SLC8A2: variants seen among roughly 807,000 people sequenced by gnomAD.
The protein encoded by SLC8A2 is solute carrier family 8 member A2, also known as sodium/calcium exchanger 2.
A neutral mutation model predicts 70.2 loss-of-function variants in SLC8A2; 14 were observed. That is an observed-to-expected ratio of 0.20 (90% CI 0.13 to 0.31). The LOEUF (loss-of-function observed/expected upper bound fraction) is 0.31. SLC8A2 is among the 10% of genes least tolerant of loss of function. SLC8A2 has a pLI of 1.00. For synonymous variants in SLC8A2, 575 were observed against 594.3 expected, an observed-to-expected ratio of 0.97 and a Z score of 0.47; for missense variants, 779 against 1,320.1, an observed-to-expected ratio of 0.59 and a Z score of 6.35.
chr19:47,469,439 C>T (rs1020832256), intron 1 of SLC8A2, among the ~76,000 whole-genome samples: 3 of 152,278 alleles, frequency 2.0e-5, no homozygotes, highest in Admixed American at 6.5e-5. Flanking sequence ...GGAAGTCCTC[C>T]CTCAGGTTTA....
intron 3 of SLC8A2, among the ~76,000 whole-genome samples, chr19:47,452,151 G>A (rs1267647200): frequency 1.3e-5 from 2 of 152,112 alleles, no homozygotes; most frequent in Non-Finnish European, 2.9e-5. Flanking sequence ...GCATGCTCAA[G>A]TATTTAGGCA....
chr19:47,458,006 A>G (rs1292429034), intron 2 of SLC8A2, among the ~76,000 whole-genome samples: 1 of 151,298 alleles, frequency 6.6e-6, no homozygotes, highest in East Asian at 1.9e-4. Flanking sequence ...ATGCGCCACC[A>G]TGGCCAGCTA....
intron 1 of SLC8A2, among the ~76,000 whole-genome samples, chr19:47,467,597 TC>T (rs1342018069): frequency 1.3e-5 from 2 of 152,124 alleles, no homozygotes. Flanking sequence ...GGGCTTTCTG[TC>T]CCATTTGTGG....
intron 6 of SLC8A2, among the ~76,000 whole-genome samples, chr19:47,439,686 T>C (rs1967076924): frequency 6.7e-6 from 1 of 150,124 alleles, no homozygotes; most frequent in Non-Finnish European, 1.5e-5. Flanking sequence ...TTTTCTGAGA[T>C]GGAGTCTCGC....
chr19:47,447,769 G>T lies in SLC8A2; in HGVS notation c.1763+40C>A, dbSNP rs1007654211. The T allele has an allele frequency of 2.0e-6, 3 of 1,529,164 alleles. No individual in the cohort carries two copies. The highest frequency in any genetic ancestry group is 2.6e-6 in the Non-Finnish European group (3 of 1,150,096). 94.7% of individuals were successfully genotyped at this position (1,529,164 alleles called of 1,614,324 possible). A position where few individuals can be genotyped will look rare whatever the true frequency, so the allele number is the denominator to read the frequency against. ...AGCCACATCAGGCCTCGCCCATTCCGAAGCCCCGCCCCTCTCCGGGCCGCC... is the reference window on the plus strand; with the variant it reads ...AGCCACATCAGGCCTCGCCCATTCCTAAGCCCCGCCCCTCTCCGGGCCGCC... On this transcript the variant is annotated intron_variant, in intron 4 of 9. Transcript: ENST00000236877. This position sits in a 1 kb window ranked among gnomAD's most constrained non-coding sequence, Gnocchi z 5.1.
intron 4 of SLC8A2, among the ~76,000 whole-genome samples, chr19:47,446,833 C>A (rs149832189): frequency 2.5e-5 from 3 of 120,740 alleles, no homozygotes; most frequent in Non-Finnish European, 5.9e-5. Flanking sequence ...GACCACCACG[C>A]CTGGCCCTGC....
At chr19:47,470,278 C>T (rs1167985758) in intron 1 of SLC8A2, among the ~76,000 whole-genome samples, 18 of 151,774 alleles carry the variant, frequency 1.2e-4, no homozygotes, top group Admixed American at 1.2e-3. Flanking sequence ...CTCTTTAAAG[C>T]CATCTGAAGC....
intron 3 of SLC8A2, among the ~76,000 whole-genome samples, chr19:47,454,904 G>A (rs1209349855): frequency 6.6e-6 from 1 of 152,066 alleles, no homozygotes; most frequent in Non-Finnish European, 1.5e-5. Flanking sequence ...TGGCCAACAC[G>A]ATGAAACCCC....
chr19:47,444,683 G>A (rs1967138640), intron 4 of SLC8A2, among the ~76,000 whole-genome samples: 2 of 152,202 alleles, frequency 1.3e-5, no homozygotes, highest in Non-Finnish European at 2.9e-5. Context: ...GCAGTGACAG[G>A]CACGTCAACT....
chr19:47,437,962 T>A lies in SLC8A2; in HGVS notation c.1897A>T (p.Arg633Trp). The A allele has an allele frequency of 1.2e-6, 2 of 1,614,152 alleles. No homozygotes were observed. The highest frequency in any genetic ancestry group is 1.7e-6 in the Non-Finnish European group (2 of 1,180,022). Residue 633 changes from arginine to tryptophan, a missense_variant, in exon 7 of 10, where the codon AGG becomes TGG. Physicochemically the swap from Arg to Trp is moderately radical, Grantham distance 101. This residue lies in a region of SLC8A2 where 247 missense variants were observed against 362.8 expected (regional missense o/e 0.68). Coordinates refer to ENST00000236877, the MANE Select transcript of SLC8A2 (RefSeq NM_015063.3). ...ALLLNQGDGD[R>W]KLTAEEEEAR... ...TCCTCCTCCTCGGCTGTTAGCTTCC[T>A]GTCCCCATCCCCTGCAGCATGAGGG...
intron 8 of SLC8A2, among the ~76,000 whole-genome samples, chr19:47,436,142 TCTCC>T (rs1319298980): frequency 1.3e-5 from 2 of 152,056 alleles, no homozygotes; most frequent in Admixed American, 6.5e-5. Context: ...CCTGAAACAC[TCTCC>T]CTGTCTTCTC....
At chr19:47,455,222 G>C (rs1041524909) in intron 3 of SLC8A2, among the ~76,000 whole-genome samples, 3 of 152,120 alleles carry the variant, frequency 2.0e-5, no homozygotes, top group Admixed American at 2.0e-4. Flanking sequence ...TGAGGGATTG[G>C]CTGCTGCTTG....
chr19:47,465,625 G>A lies in SLC8A2; in HGVS notation c.675+104C>T. The A allele has an allele frequency of 1.0e-6, 1 of 993,662 alleles. No homozygotes were observed. The highest frequency in any genetic ancestry group is 1.7e-5 in the South Asian group (1 of 60,090). 61.6% of individuals were successfully genotyped at this position (993,662 alleles called of 1,614,324 possible). ...CTTGGCAGCCCTCTCAGATGTGAGT[G>A]TGCATTTCTGCAAATACAGCAATCA... On this transcript the variant is annotated intron_variant, in intron 2 of 9. Transcript: ENST00000236877. The surrounding 1 kb of genome is among the most constrained non-coding windows in gnomAD (Gnocchi z 5.5).
intron 1 of SLC8A2, among the ~76,000 whole-genome samples, chr19:47,469,987 G>A (rs61500773): frequency 6.6e-6 from 1 of 152,162 alleles, no homozygotes; most frequent in East Asian, 1.9e-4. Context: ...GGTAAGACCC[G>A]TCCTTCATAT....
chr19:47,451,694 C>T (rs184974504), intron 3 of SLC8A2, among the ~76,000 whole-genome samples: 17 of 152,304 alleles, frequency 1.1e-4, no homozygotes, highest in Non-Finnish European at 1.9e-4. Flanking sequence ...CAGTAATGGA[C>T]GAGTGGACAT....
chr19:47,458,602 C>CT (rs1967347699), intron 2 of SLC8A2, among the ~76,000 whole-genome samples: 1 of 142,750 alleles, frequency 7.0e-6, no homozygotes, highest in African/African-American at 2.6e-5. Flanking sequence ...CCATCTCTCT[C>CT]CCCCCATTTC....
intron 2 of SLC8A2, among the ~76,000 whole-genome samples, chr19:47,462,320 A>G (rs1284025261): frequency 2.0e-5 from 3 of 151,700 alleles, no homozygotes; most frequent in Non-Finnish European, 4.4e-5. Flanking sequence ...GCTGGAGTGC[A>G]GTGGTGCAAT....
At chr19:47,471,255 CACAGAGAA>C (rs985525960) in intron 1 of SLC8A2, among the ~76,000 whole-genome samples, 1 of 150,632 alleles carries the variant, frequency 6.6e-6, no homozygotes, top group Admixed American at 6.6e-5. Context: ...GACACAGAGA[CACAGAGAA>C]ACAGAGATGG....
At chr19:47,441,989 C>G (rs1010125609) in intron 4 of SLC8A2, among the ~76,000 whole-genome samples, 2 of 152,144 alleles carry the variant, frequency 1.3e-5, no homozygotes, top group African/African-American at 4.8e-5. Flanking sequence ...GTAGTCCCAG[C>G]TACCTGGGAG....
Sources: allele counts gnomAD v4.1 joint callset (sites outside exome capture counted in the v4.1 genomes callset), GRCh38; gene constraint gnomAD v4.1.1; regional missense constraint gnomAD v4.1.1; non-coding constraint Gnocchi (gnomAD v3.1); transcripts MANE v1.5; gene names NCBI Gene and HGNC (gene_info 2026-07-23, HGNC 2026-07-21).